Variants in CGB5 observed in about 807,000 individuals in gnomAD.
CGB5 encodes the protein chorionic gonadotropin, beta polypeptide 5.
CGB5 carries 2 observed loss-of-function variants against 7.6 expected under a neutral mutation model. The ratio of observed to expected loss-of-function variants is 0.26; its 90% CI spans 0.11 to 0.83. The LOEUF is 0.83. CGB5 is among the 40% of genes least tolerant of loss of function. CGB5 has a pLI of 0.65. For synonymous variants in CGB5, 25 were observed against 99.8 expected, an observed-to-expected ratio of 0.25 and a Z score of 4.47; for missense variants, 48 against 228.2, an observed-to-expected ratio of 0.21 and a Z score of 5.09.
chr19:49,044,935 C>A lies in CGB5; in HGVS notation c.184-45C>A, dbSNP rs1186746773. 9.4e-6 allele frequency: 15 copies of A among 1,592,452 alleles called. 1 individual carries two copies. In the African/African-American group the frequency reaches 1.7e-4, roughly 18 times the overall value. ...GCAACTGGGGAGCTCAGCTGAGGCG[C>A]TGGCCCCAGGCACATGCTCATTCCC... On this transcript the variant is annotated intron_variant, in intron 2 of 2. Transcript: ENST00000301408.
chr19:49,044,247 C>G, intron 1 of CGB5, 23 bp downstream of exon 1: 1 of 1,613,014 alleles, frequency 6.2e-7, no homozygotes, highest in Non-Finnish European at 8.5e-7. Flanking sequence ...GGCCCCTGGG[C>G]ACCTTCCACC....
chr19:49,044,095 C>G lies in CGB5; in HGVS notation c.-115C>G. The G allele has an allele frequency of 2.5e-6, 4 of 1,601,070 alleles. No individual in the cohort carries two copies. Among genetic ancestry groups the G allele is most frequent in the Non-Finnish European group, 3.4e-6 (4 of 1,169,600 alleles). ...CCCCTGGCCTTGTCTACCTCTTGCCCCCCGAAGGGTTAGTGTCGAGCTCAC... is the reference window on the plus strand; with the variant it reads ...CCCCTGGCCTTGTCTACCTCTTGCCGCCCGAAGGGTTAGTGTCGAGCTCAC... On this transcript the variant is annotated 5_prime_UTR_variant, in exon 1 of 3. Coordinates refer to ENST00000301408, the MANE Select transcript of CGB5 (RefSeq NM_033043.2).
Position 49,043,865 on chromosome 19 carries a change from A to G in CGB5, c.-345A>G, listed in dbSNP as rs2039909271. 3 of 1,276,460 alleles carry G rather than the reference A, an allele frequency of 2.4e-6. No individual in the cohort carries two copies. The highest frequency in any genetic ancestry group is 3.1e-4 in the Middle Eastern group (1 of 3,278). 79.1% of individuals were successfully genotyped at this position (1,276,460 alleles called of 1,614,324 possible). ...TTCAATCCAGCACTTTGCTCGGGTCACGGCCTCCTCCTGGCTCCCAGGACC... is the reference window on the plus strand; with the variant it reads ...TTCAATCCAGCACTTTGCTCGGGTCGCGGCCTCCTCCTGGCTCCCAGGACC... On this transcript the variant is annotated 5_prime_UTR_variant, in exon 1 of 3. Coordinates refer to ENST00000301408, the MANE Select transcript of CGB5 (RefSeq NM_033043.2).
intron 2 of CGB5, 34 bp from the exon 3 acceptor site, chr19:49,044,946 C>A (rs773060777): frequency 8.8e-6 from 14 of 1,592,568 alleles, no homozygotes; most frequent in Middle Eastern, 2.3e-4. Context: ...TGGCCCCAGG[C>A]ACATGCTCAT....
rs1040126623 is a variant in CGB5 at position 49,044,928 on chromosome 19, T to A, written c.184-52T>A. On this transcript the variant is annotated intron_variant, in intron 2 of 2. Transcript: ENST00000301408. ...TGTGGGGGCAACTGGGGAGCTCAGC[T>A]GAGGCGCTGGCCCCAGGCACATGCT... 82 of 1,592,048 alleles carry A rather than the reference T, an allele frequency of 5.2e-5. 4 individuals carry two copies. The highest frequency in any genetic ancestry group is 2.0e-4 in the African/African-American group (14 of 69,720).
chr19:49,044,374 T>C, intron 1 of CGB5, 150 bp downstream of exon 1: 1 of 1,600,840 alleles, frequency 6.2e-7, no homozygotes, highest in Non-Finnish European at 8.5e-7. Context: ...TTCCTAAGGG[T>C]GGGGATCTGA....
chr19:49,044,445 G>A (rs1339707429), intron 1 of CGB5, 132 bp from the exon 2 acceptor site: 9 of 1,458,022 alleles, frequency 6.2e-6, no homozygotes, highest in South Asian at 1.4e-5. Context: ...CAGGTGTCCG[G>A]GTGGTGGGTC....
chr19:49,043,896 A>T lies in CGB5; in HGVS notation c.-314A>T. Reference sequence around the variant, plus strand: ...TCCTCCTGGCTCCCAGGACCCCACCATAGGCAGAGGCAGGCCTTCCTACAC... The same window carrying T: ...TCCTCCTGGCTCCCAGGACCCCACCTTAGGCAGAGGCAGGCCTTCCTACAC... On this transcript the variant is annotated 5_prime_UTR_variant, in exon 1 of 3. Coordinates refer to ENST00000301408, the MANE Select transcript of CGB5 (RefSeq NM_033043.2). The T allele has an allele frequency of 1.6e-6, 2 of 1,261,294 alleles. No individual in the cohort carries two copies. The highest frequency in any genetic ancestry group is 2.1e-6 in the Non-Finnish European group (2 of 969,356). 78.1% of individuals were successfully genotyped at this position (1,261,294 alleles called of 1,614,324 possible).
At position 49,044,201 on chromosome 19, in the gene CGB5, G is replaced by T; in HGVS notation, c.-9G>T. On this transcript the variant is annotated 5_prime_UTR_variant, in exon 1 of 3. Transcript: ENST00000301408. ...AAGCCAGGTACACGAGGCAGGGGACGCACCAAGGATGGAGATGTTCCAGGT... is the reference window on the plus strand; with the variant it reads ...AAGCCAGGTACACGAGGCAGGGGACTCACCAAGGATGGAGATGTTCCAGGT... 6.2e-7 allele frequency: 1 copy of T among 1,607,648 alleles called. No homozygotes were observed. The highest frequency in any genetic ancestry group is 1.4e-5 in the African/African-American group (1 of 69,530).
chr19:49,043,861 G>C lies in CGB5; in HGVS notation c.-349G>C, dbSNP rs2039909225. ...AGGCTTCAATCCAGCACTTTGCTCG[G>C]GTCACGGCCTCCTCCTGGCTCCCAG... On this transcript the variant is annotated 5_prime_UTR_variant, in exon 1 of 3. Coordinates refer to ENST00000301408, the MANE Select transcript of CGB5 (RefSeq NM_033043.2). 3 of 1,272,992 alleles carry C rather than the reference G, an allele frequency of 2.4e-6. No individual in the cohort carries two copies. Among genetic ancestry groups the C allele is most frequent in the East Asian group, 6.7e-5 (2 of 29,658 alleles). 78.9% of individuals were successfully genotyped at this position (1,272,992 alleles called of 1,614,324 possible).
At position 49,044,122 on chromosome 19, in the gene CGB5, C is replaced by G. The variant is rs1187962166; in HGVS notation, c.-88C>G. The G allele has an allele frequency of 6.2e-7, 1 of 1,613,614 alleles. No individual in the cohort carries two copies. Among genetic ancestry groups the G allele is most frequent in the Non-Finnish European group, 8.5e-7 (1 of 1,179,710 alleles). On this transcript the variant is annotated 5_prime_UTR_variant, in exon 1 of 3. Coordinates refer to ENST00000301408, the MANE Select transcript of CGB5 (RefSeq NM_033043.2). ...CCGAAGGGTTAGTGTCGAGCTCACC[C>G]CAGCATCCTACAACCTCCTGGTGGC...
Sources: allele counts gnomAD v4.1 joint callset, GRCh38; gene constraint gnomAD v4.1.1; transcripts MANE v1.5; gene names NCBI Gene and HGNC (gene_info 2026-07-23, HGNC 2026-07-21).